Variants in ZNF609 observed in about 807,000 individuals in gnomAD.
ZNF609 encodes the protein zinc finger protein 609.
A neutral mutation model predicts 109.5 loss-of-function variants in ZNF609; 11 were observed. The observed-to-expected ratio is 0.10, with a 90% CI of 0.06 to 0.17. ZNF609 has a LOEUF of 0.17. Ranked by LOEUF, ZNF609 falls within the 10% of genes least tolerant of loss-of-function variation. The pLI is 1.00. For missense variants in ZNF609, 1,559 were observed against 1,772.4 expected, an observed-to-expected ratio of 0.88 and a Z score of 2.16; for synonymous variants, 646 against 662.0, an observed-to-expected ratio of 0.98 and a Z score of 0.37.
rs2083227517 is a variant in ZNF609, at chr15:64,684,176, G to GC, written c.*2493dup. On this transcript the variant is annotated 3_prime_UTR_variant, in exon 10 of 10. Transcript: ENST00000326648. ...ACAAGTGCTGAGTGAAAGATTTGCT[G>GC]CCCACCTCTACATGGGGAGGAGAAA... The GC allele has an allele frequency of 6.6e-6, 1 of 152,142 alleles. No homozygotes were observed. Among genetic ancestry groups the GC allele is most frequent in the Non-Finnish European group, 1.5e-5 (1 of 68,038 alleles). The allele number at this position is 152,142 out of a possible 1,614,324, so 9.4% of individuals were successfully genotyped here.
In ZNF609 at chr15:64,675,218, C is replaced by T. The variant is rs1205492550; in HGVS notation, c.2364C>T (p.Ile788=). The T allele has an allele frequency of 6.2e-7, 1 of 1,614,034 alleles. No individual in the cohort carries two copies. The highest frequency in any genetic ancestry group is 1.7e-5 in the Admixed American group (1 of 60,032). ...CCCACCAAAGCCGACTGGCTAGCAT[C>T]AAGGCTGAAGCCGACAAGATCTACA... The part of the protein sequence containing the change: ...SDPHQSRLAS[I]KAEADKIYSF... The change falls in exon 5 of 10, where the codon ATC becomes ATT. Residue 788 remains isoleucine, a synonymous_variant. Transcript: ENST00000326648.
intron 1 of ZNF609, among the ~76,000 whole-genome samples, chr15:64,490,275 T>TG (rs1205887554): frequency 1.3e-5 from 2 of 150,854 alleles, no homozygotes; most frequent in East Asian, 3.9e-4. Context: ...AGTAGTTGTT[T>TG]TTTTTTTTTT....
chr15:64,618,741 C>T (rs1391008331), intron 2 of ZNF609, among the ~76,000 whole-genome samples: 2 of 152,130 alleles, frequency 1.3e-5, no homozygotes, highest in Non-Finnish European at 2.9e-5. Flanking sequence ...TCTTCCGCCA[C>T]GTGTGCTCTT....
At chr15:64,561,221 A>G (rs1476312200) in intron 2 of ZNF609, among the ~76,000 whole-genome samples, 1 of 152,154 alleles carries the variant, frequency 6.6e-6, no homozygotes, top group African/African-American at 2.4e-5. Flanking sequence ...CTTGTTATCT[A>G]ACCTATTACT....
At chr15:64,599,649 C>T (rs1189711994) in intron 2 of ZNF609, among the ~76,000 whole-genome samples, 1 of 151,418 alleles carries the variant, frequency 6.6e-6, no homozygotes, top group African/African-American at 2.4e-5. Flanking sequence ...CTCTAGTTTA[C>T]TCCCCTCCTT....
intron 3 of ZNF609, among the ~76,000 whole-genome samples, chr15:64,623,559 C>A (rs144503767): frequency 0.014 from 2,122 of 152,266 alleles, 35 homozygotes; most frequent in Non-Finnish European, 0.022. Flanking sequence ...CCACCCACAC[C>A]GCTTCATGTA....
intron 1 of ZNF609, among the ~76,000 whole-genome samples, chr15:64,467,202 TTG>T (rs1159310759): frequency 6.6e-6 from 1 of 152,252 alleles, no homozygotes; most frequent in African/African-American, 2.4e-5. Flanking sequence ...CTTCTTTCTT[TTG>T]CAGGTGAGAG....
rs746006595 is a variant in ZNF609 at position 64,678,180 on chromosome 15, A to C, written c.3467A>C (p.Asp1156Ala). Residue 1156 changes from aspartate (D) to alanine (A), a missense_variant, in exon 6 of 10, where the codon GAT becomes GCT. This residue lies in a region of ZNF609 where 1,204 missense variants were observed against 1,314.1 expected (regional missense o/e 0.92). Transcript: ENST00000326648. ...AAGTACTCAGACATCAAGTCAGAGG[A>C]TGAGCGGTGGAAGGAGGAGCGGGAC... ...PAKYSDIKSEDERWKEERDRK... is the reference protein window; with the variant it reads ...PAKYSDIKSEAERWKEERDRK... 1 of 1,614,218 alleles carries C rather than the reference A, an allele frequency of 6.2e-7. No individual in the cohort carries two copies. Among genetic ancestry groups the C allele is most frequent in the Non-Finnish European group, 8.5e-7 (1 of 1,180,040 alleles).
intron 2 of ZNF609, chr15:64,593,122 A>C: frequency 6.3e-7 from 1 of 1,591,982 alleles, no homozygotes; most frequent in Non-Finnish European, 8.5e-7. Context: ...TGGAGTCCGC[A>C]GCAGTCAGGG....
rs747894291 is a variant in ZNF609, at chr15:64,680,795, A to ACAC, written c.4111_4113dup (p.His1371dup). 144 of 1,613,304 alleles carry ACAC rather than the reference A, an allele frequency of 8.9e-5. No homozygotes were observed. The highest frequency in any genetic ancestry group is 1.8e-4 in the Admixed American group (11 of 59,974). ...CTCCTTCCCAGCGCCTGATGTCCACACACCACCACCACCACCACTTGGGGT... is the reference window on the plus strand; with the variant it reads ...CTCCTTCCCAGCGCCTGATGTCCACACACCACCACCACCACCACCACTTGGGGT... On this transcript the variant is annotated inframe_insertion, in exon 8 of 10. Transcript: ENST00000326648.
At chr15:64,664,300 G>T (rs1483272766) in intron 3 of ZNF609, among the ~76,000 whole-genome samples, 1 of 152,066 alleles carries the variant, frequency 6.6e-6, no homozygotes, top group African/African-American at 2.4e-5. Flanking sequence ...CCTTTACTCT[G>T]CTCCAATATT....
chr15:64,563,463 AT>A (rs1178803510), intron 2 of ZNF609, among the ~76,000 whole-genome samples: 4 of 151,922 alleles, frequency 2.6e-5, no homozygotes, highest in East Asian at 1.9e-4. Context: ...AAAAAAAAAA[AT>A]AATTGAAAAT....
intron 3 of ZNF609, among the ~76,000 whole-genome samples, chr15:64,650,231 C>G (rs1358980278): frequency 1.3e-5 from 2 of 151,364 alleles, no homozygotes; most frequent in African/African-American, 4.9e-5. Flanking sequence ...CAGTGAAACC[C>G]CCTGTCTCTA....
intron 2 of ZNF609, among the ~76,000 whole-genome samples, chr15:64,548,016 C>T (rs1469343538): frequency 6.6e-6 from 1 of 152,240 alleles, no homozygotes; most frequent in South Asian, 2.1e-4. Context: ...AATGATGACC[C>T]TTTGATGAGG....
At chr15:64,578,364 C>A (rs1425444245) in intron 2 of ZNF609, among the ~76,000 whole-genome samples, 1 of 151,958 alleles carries the variant, frequency 6.6e-6, no homozygotes, top group African/African-American at 2.4e-5. Flanking sequence ...TCATTCTTTA[C>A]TTGGAATGAT....
intron 2 of ZNF609, among the ~76,000 whole-genome samples, chr15:64,510,445 T>G (rs1297358447): frequency 6.6e-6 from 1 of 151,972 alleles, no homozygotes; most frequent in Non-Finnish European, 1.5e-5. Context: ...GCTCAAGTGA[T>G]TCCCCCTGCC....
intron 2 of ZNF609, among the ~76,000 whole-genome samples, chr15:64,551,453 C>G (rs1043910144): frequency 6.6e-6 from 1 of 151,884 alleles, no homozygotes; most frequent in Non-Finnish European, 1.5e-5. Context: ...GTCAGGAGTT[C>G]GAGACCAGCC....
At chr15:64,614,218 C>G (rs1208141017) in intron 2 of ZNF609, among the ~76,000 whole-genome samples, 4 of 149,908 alleles carry the variant, frequency 2.7e-5, no homozygotes, top group Non-Finnish European at 5.9e-5. Context: ...ATGTGCCCAG[C>G]CTTTTTTCTG....
chr15:64,617,611 C>A (rs1264568098), intron 2 of ZNF609, among the ~76,000 whole-genome samples: 1 of 150,852 alleles, frequency 6.6e-6, no homozygotes, highest in Non-Finnish European at 1.5e-5. Context: ...AAAACCCAGT[C>A]TCTACTAAAA....
Sources: allele counts gnomAD v4.1 joint callset (sites outside exome capture counted in the v4.1 genomes callset), GRCh38; gene constraint gnomAD v4.1.1; regional missense constraint gnomAD v4.1.1; transcripts MANE v1.5; gene names NCBI Gene and HGNC (gene_info 2026-07-23, HGNC 2026-07-21).